The following POP4 variants were observed in gnomAD, a reference collection of about 807,000 sequenced individuals.
The protein encoded by POP4 is ribonuclease P protein subunit p29.
A neutral mutation model predicts 29.9 loss-of-function variants in POP4; 31 were observed. That is an observed-to-expected ratio of 1.04 (90% CI 0.78 to 1.40). POP4 has a LOEUF of 1.40. POP4 is among the 40% of genes most tolerant of loss of function. The pLI, the probability that POP4 is intolerant of heterozygous loss-of-function variation, is 0.00. For missense variants in POP4, 286 were observed against 282.7 expected, an observed-to-expected ratio of 1.01 and a Z score of -0.08; for synonymous variants, 110 against 108.2, an observed-to-expected ratio of 1.02 and a Z score of -0.10.
chr19:29,608,511 C>A (rs961914746), intron 1 of POP4, 146 bp from the exon 2 acceptor site: 1 of 690,740 alleles, frequency 1.4e-6, no homozygotes, highest in Non-Finnish European at 2.5e-6. Context: ...GGGTCAGGAT[C>A]CGCCCGCCTT....
At chr19:29,613,243 T>A (rs1172717449) in intron 5 of POP4, 3 of 152,726 alleles carry the variant, frequency 2.0e-5, no homozygotes, top group East Asian at 1.9e-4. Flanking sequence ...TGGTTCACCG[T>A]GCATCACCCT....
At chr19:29,615,010 A>C (rs16963099) in intron 6 of POP4, among the ~76,000 whole-genome samples, 4,544 of 152,246 alleles carry the variant, frequency 0.03, 130 homozygotes, top group South Asian at 0.091. Flanking sequence ...TTTGGTGTAT[A>C]GCCTTTGACC....
intron 1 of POP4, among the ~76,000 whole-genome samples, chr19:29,607,570 C>T (rs923537657): frequency 6.6e-6 from 1 of 152,200 alleles, no homozygotes; most frequent in Non-Finnish European, 1.5e-5. Flanking sequence ...CATTTTCTAG[C>T]TATTTAGCTC....
intron 1 of POP4, 40 bp from the exon 2 acceptor site, chr19:29,608,617 C>A: frequency 6.3e-7 from 1 of 1,593,286 alleles, no homozygotes; most frequent in Non-Finnish European, 8.6e-7. Context: ...TACAGCCATA[C>A]CCAACAAGAA....
rs142108395 is a variant in POP4, at chr19:29,607,628, C to T, written c.8-1029C>T. Among the ~76,000 whole-genome samples, 621 of 152,312 alleles carry T rather than the reference C, an allele frequency of 4.1e-3. 15 individuals are homozygous for T. The highest frequency in any genetic ancestry group is 0.023 in the Admixed American group (358 of 15,298). ...CATTCTTATTCCATTCACACCTGTACTCTGTCCCCAGTGCCATGGTTTTCT... is the reference window on the plus strand; with the variant it reads ...CATTCTTATTCCATTCACACCTGTATTCTGTCCCCAGTGCCATGGTTTTCT... On this transcript the variant is annotated intron_variant, in intron 1 of 6. Transcript: ENST00000585603.
chr19:29,612,250 C>A, intron 5 of POP4, 72 bp downstream of exon 5: 1 of 1,387,604 alleles, frequency 7.2e-7, no homozygotes, highest in Non-Finnish European at 9.9e-7. Context: ...AGACCCAGGG[C>A]GTGTGTTCTG....
At position 29,615,387 on chromosome 19, in the gene POP4, T is replaced by C; in HGVS notation, c.*7T>C. The C allele has an allele frequency of 1.2e-6, 2 of 1,612,810 alleles. No individual in the cohort carries two copies. Among genetic ancestry groups the C allele is most frequent in the Non-Finnish European group, 1.7e-6 (2 of 1,179,552 alleles). Reference sequence around the variant, plus strand: ...GGGAACGATTGACCTGTGAATTCTTTGCCGTCTAAGGCAGTTGTTTATGAC... The same window carrying C: ...GGGAACGATTGACCTGTGAATTCTTCGCCGTCTAAGGCAGTTGTTTATGAC... On this transcript the variant is annotated 3_prime_UTR_variant, in exon 7 of 7. Transcript: ENST00000585603.
intron 6 of POP4, 36 bp from the exon 7 acceptor site, chr19:29,615,208 C>CT: frequency 2.0e-6 from 3 of 1,495,888 alleles, no homozygotes; most frequent in Non-Finnish European, 8.9e-7. Flanking sequence ...TTTTCCTCAT[C>CT]TTTTTTTCTC....
At chr19:29,612,348 G>A (rs2145557958) in intron 5 of POP4, among the ~76,000 whole-genome samples, 170 bp downstream of exon 5, 1 of 152,234 alleles carries the variant, frequency 6.6e-6, no homozygotes, top group East Asian at 1.9e-4. Flanking sequence ...GCTTCTCGCT[G>A]GCTGTCTTAG....
At chr19:29,608,811 C>A in intron 2 of POP4, 102 bp downstream of exon 2, 1 of 1,093,100 alleles carries the variant, frequency 9.1e-7, no homozygotes, top group Non-Finnish European at 1.4e-6. Context: ...TTTCCCACAT[C>A]ATACTCCTCA....
Position 29,611,845 on chromosome 19 carries a change from T to G in POP4, c.285-17T>G, listed in dbSNP as rs185843693. 1.9e-6 allele frequency: 3 copies of G among 1,610,210 alleles called. No homozygotes were observed. The African/African-American group carries it at 4.0e-5, about 21-fold the overall frequency. On this transcript the variant is annotated splice_polypyrimidine_tract_variant and intron_variant, in intron 3 of 6. Coordinates refer to ENST00000585603, the MANE Select transcript of POP4 (RefSeq NM_006627.3). Reference sequence around the variant, plus strand: ...TCATGTTGTCTAACTTTTTCCCTGTTTCTGACTTTGCTGCAGATACAGCCT... The same window carrying G: ...TCATGTTGTCTAACTTTTTCCCTGTGTCTGACTTTGCTGCAGATACAGCCT...
intron 6 of POP4, among the ~76,000 whole-genome samples, chr19:29,614,219 CTG>C (rs1971105988): frequency 6.6e-6 from 1 of 152,252 alleles, no homozygotes; most frequent in East Asian, 1.9e-4. Context: ...ACCTGCTCGG[CTG>C]TGCCTCAGGG....
intron 4 of POP4, 48 bp downstream of exon 4, chr19:29,611,987 T>G: frequency 6.3e-7 from 1 of 1,598,666 alleles, no homozygotes; most frequent in Non-Finnish European, 8.6e-7. Flanking sequence ...ATCTCAAGCC[T>G]CTGATCATTG....
Position 29,608,262 on chromosome 19 carries a change from CT to C in POP4, c.8-373del, listed in dbSNP as rs1164860504. 9.1e-3 allele frequency among the ~76,000 whole-genome samples: 784 copies of C among 86,542 alleles called. 3 individuals are homozygous for C. The highest frequency in any genetic ancestry group is 0.031 in the African/African-American group (604 of 19,400). The allele number at this position is 86,542 out of a possible 152,430, so 56.8% of individuals were successfully genotyped here. A position where few individuals can be genotyped will look rare whatever the true frequency, so the allele number is the denominator to read the frequency against. On this transcript the variant is annotated intron_variant, in intron 1 of 6. Transcript: ENST00000585603. ...TAGTTATTTTCTTTTCTTTTCTTTTCTTTTTTTTTTTTTTTTTTTTTTGAGA... is the reference window on the plus strand; with the variant it reads ...TAGTTATTTTCTTTTCTTTTCTTTTCTTTTTTTTTTTTTTTTTTTTTGAGA...
At chr19:29,609,658 A>G (rs576079097) in intron 2 of POP4, among the ~76,000 whole-genome samples, 1 of 150,494 alleles carries the variant, frequency 6.6e-6, no homozygotes, top group Non-Finnish European at 1.5e-5. Flanking sequence ...TGTTTGTTTG[A>G]GAATTGCACA....
At chr19:29,613,817 G>A (rs1316706077) in intron 5 of POP4, 54 bp from the exon 6 acceptor site, 5 of 1,556,376 alleles carry the variant, frequency 3.2e-6, no homozygotes, top group Non-Finnish European at 4.3e-6. Context: ...GCTTCTCTGT[G>A]GTTCCCCCAG....
intron 1 of POP4, 177 bp downstream of exon 1, chr19:29,606,502 C>G (rs1309957221): frequency 3.0e-6 from 2 of 665,224 alleles, no homozygotes; most frequent in Non-Finnish European, 4.7e-6. Flanking sequence ...TAGCCTGGCT[C>G]GACCTCTGAG....
In POP4 at chr19:29,615,517, AT is replaced by A; in HGVS notation, c.*138del. 1 of 906,764 alleles carries A rather than the reference AT, an allele frequency of 1.1e-6. No individual in the cohort carries two copies. The highest frequency in any genetic ancestry group is 2.0e-5 in the South Asian group (1 of 50,444). The allele number at this position is 906,764 out of a possible 1,614,324, so 56.2% of individuals were successfully genotyped here. On this transcript the variant is annotated 3_prime_UTR_variant, in exon 7 of 7. Coordinates refer to ENST00000585603, the MANE Select transcript of POP4 (RefSeq NM_006627.3). Reference sequence around the variant, plus strand: ...CAGCCAGTGACGCTCCGAGTTGAGGATGTTGAACAACATGGGAAGGTCGCAG... The same window carrying A: ...CAGCCAGTGACGCTCCGAGTTGAGGAGTTGAACAACATGGGAAGGTCGCAG...
chr19:29,613,901 G>A lies in POP4; in HGVS notation c.455G>A (p.Gly152Asp). 1 of 1,613,684 alleles carries A rather than the reference G, an allele frequency of 6.2e-7. No individual in the cohort carries two copies. Among genetic ancestry groups the A allele is most frequent in the Non-Finnish European group, 8.5e-7 (1 of 1,179,888 alleles). Residue 152 changes from glycine to aspartate, a missense_variant, in exon 6 of 7, where the codon GGT (glycine) becomes GAT (aspartate). By Grantham distance (94) the Gly-to-Asp change is moderately conservative. Coordinates refer to ENST00000585603, the MANE Select transcript of POP4 (RefSeq NM_006627.3). Reference sequence around the variant, plus strand: ...AAATCCAAATGCCCCTCTTATGTGGGTATTACAGGAATCCTTCTACAGGAA... The same window carrying A: ...AAATCCAAATGCCCCTCTTATGTGGATATTACAGGAATCCTTCTACAGGAA... ...VTKSKCPSYV[G>D]ITGILLQETK...
Sources: gnomAD v4.1 joint callset for allele counts (sites outside exome capture counted in the v4.1 genomes callset) on GRCh38, gnomAD v4.1.1 for gene constraint, MANE v1.5 for transcripts, NCBI Gene and HGNC (gene_info 2026-07-23, HGNC 2026-07-21) for gene names.